LAMA1: variants seen among roughly 807,000 people sequenced by gnomAD.
LAMA1 encodes the protein laminin subunit alpha 1.
A neutral mutation model predicts 348.7 loss-of-function variants in LAMA1; 219 were observed. The ratio of observed to expected loss-of-function variants is 0.63; its 90% CI spans 0.56 to 0.70. The LOEUF is 0.70. LAMA1 is among the 30% of genes least tolerant of loss of function. The pLI is 0.00. For synonymous variants in LAMA1, 1,487 were observed against 1,491.0 expected, an observed-to-expected ratio of 1.00 and a Z score of 0.06; for missense variants, 3,744 against 3,888.0, an observed-to-expected ratio of 0.96 and a Z score of 0.99.
chr18:7,076,662 TAAAA>T (rs57167873), intron 3 of LAMA1, among the ~76,000 whole-genome samples: 1 of 136,042 alleles, frequency 7.4e-6, no homozygotes. Context: ...GGATCCTGGT[TAAAA>T]AAAAAAAAAA....
intron 42 of LAMA1, among the ~76,000 whole-genome samples, chr18:6,979,082 G>C (rs1035538091): frequency 2.0e-5 from 3 of 152,196 alleles, no homozygotes; most frequent in South Asian, 2.1e-4. Context: ...GGGTATACAG[G>C]TGGCCTTTTT....
chr18:7,041,823 C>A (rs746598466), intron 9 of LAMA1, among the ~76,000 whole-genome samples: 57 of 152,210 alleles, frequency 3.7e-4, no homozygotes, highest in Non-Finnish European at 7.2e-4. Flanking sequence ...AACATTGTCA[C>A]CTCATTACCC....
chr18:7,101,356 C>T lies in LAMA1; in HGVS notation c.61+16304G>A, dbSNP rs112189524. 7.5e-3 allele frequency among the ~76,000 whole-genome samples: 1,144 copies of T among 152,220 alleles called. 14 individuals carry two copies. Among genetic ancestry groups the T allele is most frequent in the African/African-American group, 0.021 (857 of 41,510 alleles). Reference sequence around the variant, plus strand: ...CACATCCTGAAGGAATTTGATGGAACCTGATGCTTGATCCCTGAAATGTCC... The same window carrying T: ...CACATCCTGAAGGAATTTGATGGAATCTGATGCTTGATCCCTGAAATGTCC... On this transcript the variant is annotated intron_variant, in intron 1 of 62. Coordinates refer to ENST00000389658, the MANE Select transcript of LAMA1 (RefSeq NM_005559.4).
Position 7,117,783 on chromosome 18 carries a change from A to AACGCTCCG in LAMA1, c.-64_-63insCGGAGCGT. 1 of 1,465,744 alleles carries AACGCTCCG rather than the reference A, an allele frequency of 6.8e-7. No individual in the cohort carries two copies. The highest frequency in any genetic ancestry group is 9.3e-7 in the Non-Finnish European group (1 of 1,080,198). 90.8% of individuals were successfully genotyped at this position (1,465,744 alleles called of 1,614,324 possible). On this transcript the variant is annotated 5_prime_UTR_variant, in exon 1 of 63. Transcript: ENST00000389658. ...GCCGCGCGCCCGCCTGGAACGCTCC[A>AACGCTCCG]CGGGACGCGAGTCCGCGCTGCCCTG...
intron 54 of LAMA1, 24 bp downstream of exon 54, chr18:6,959,317 C>T (rs1299351322): frequency 6.2e-7 from 1 of 1,614,010 alleles, no homozygotes. Flanking sequence ...CTTCATTACA[C>T]ACTGCCTGGC....
At chr18:6,977,298 C>T (rs2057687008) in intron 44 of LAMA1, among the ~76,000 whole-genome samples, 1 of 152,146 alleles carries the variant, frequency 6.6e-6, no homozygotes, top group African/African-American at 2.4e-5. Context: ...GGATGAGGCC[C>T]ATACTACACA....
In LAMA1 at chr18:7,013,863, C is replaced by T. The variant is rs112855474; in HGVS notation, c.3315G>A (p.Glu1105=). The stretch of plus-strand genomic sequence containing the variant: ...CCTCCACACAGCCGCAGAGACCCTG[C>T]TCCAGGTTGCAGGCGTCCCCCGACG... The part of the protein sequence containing the change: ...RGTSGDACNL[E]QGLCGCVEET... The change falls in exon 23 of 63, where the codon GAG becomes GAA. Residue 1105 remains glutamate (E), a synonymous_variant. Transcript: ENST00000389658. 1.2e-6 allele frequency: 2 copies of T among 1,612,030 alleles called. No individual in the cohort carries two copies. The highest frequency in any genetic ancestry group is 2.2e-5 in the South Asian group (2 of 90,682).
chr18:6,970,801 C>T (rs544733853), intron 48 of LAMA1, among the ~76,000 whole-genome samples: 7 of 152,186 alleles, frequency 4.6e-5, no homozygotes, highest in South Asian at 2.1e-4. Flanking sequence ...TTAATAGAGA[C>T]GGAGTTTCAC....
rs746795962 is a variant in LAMA1, at chr18:7,012,031, G to A, written c.3471C>T (p.His1157=). Residue 1157 remains histidine, a synonymous_variant, in exon 24 of 63, where the codon CAC becomes CAT. Transcript: ENST00000389658. ...CSPCFCSGLS[H]LCSELEDYVR... is the part of the protein sequence containing the mutation. ...CGTAGTCCTCCAGCTCTGAGCAGAG[G>A]TGGGACAGCCCGGAGCAGAAGCACG... 12 of 1,610,556 alleles carry A rather than the reference G, an allele frequency of 7.5e-6. No individual in the cohort carries two copies. The African/African-American group carries it at 1.2e-4, about 16-fold the overall frequency.
chr18:7,070,743 T>C (rs573793487), intron 3 of LAMA1, among the ~76,000 whole-genome samples: 1 of 152,266 alleles, frequency 6.6e-6, no homozygotes, highest in Admixed American at 6.5e-5. Flanking sequence ...TTCAATGCCA[T>C]AGGGAACTTC....
At chr18:7,102,404 C>A (rs572147001) in intron 1 of LAMA1, among the ~76,000 whole-genome samples, 1 of 151,160 alleles carries the variant, frequency 6.6e-6, no homozygotes, top group East Asian at 2.0e-4. Flanking sequence ...TAAAGCCATG[C>A]AGGTAGAGTT....
At chr18:7,057,392 C>A (rs1385298892) in intron 3 of LAMA1, among the ~76,000 whole-genome samples, 1 of 151,412 alleles carries the variant, frequency 6.6e-6, no homozygotes, top group Non-Finnish European at 1.5e-5. Context: ...CAGGCTGAGA[C>A]AACGGATAAG....
intron 1 of LAMA1, among the ~76,000 whole-genome samples, chr18:7,115,259 ATT>A (rs970969737): frequency 6.6e-6 from 1 of 152,138 alleles, no homozygotes; most frequent in Non-Finnish European, 1.5e-5. Flanking sequence ...TTTCTTGTAG[ATT>A]TTTTTCTGTC....
At chr18:6,972,173 G>A (rs2057661381) in intron 47 of LAMA1, 192 bp from the exon 48 acceptor site, 4 of 591,640 alleles carry the variant, frequency 6.8e-6, no homozygotes, top group Non-Finnish European at 9.0e-6. Context: ...CCTAGAATGA[G>A]TAACAACTGG....
At chr18:6,956,399 C>T (rs552001197) in intron 56 of LAMA1, 6 of 679,612 alleles carry the variant, frequency 8.8e-6, no homozygotes, top group African/African-American at 7.0e-5. Context: ...ATACATCAGC[C>T]CAATGCGCGG....
At chr18:6,957,240 C>A in intron 55 of LAMA1, 1 of 191,104 alleles carries the variant, frequency 5.2e-6, no homozygotes, top group South Asian at 1.1e-4. Context: ...TGCCTGCGCA[C>A]GTCCCCCTGG....
intron 1 of LAMA1, among the ~76,000 whole-genome samples, chr18:7,111,592 G>T (rs779692708): frequency 1.3e-4 from 20 of 152,128 alleles, no homozygotes; most frequent in Non-Finnish European, 2.5e-4. Context: ...TGACAGACGT[G>T]TTCCAACAGA....
intron 22 of LAMA1, 140 bp from the exon 23 acceptor site, chr18:7,014,191 T>C: frequency 1.3e-6 from 1 of 761,754 alleles, no homozygotes; most frequent in East Asian, 2.7e-5. Flanking sequence ...GCTGCATGGA[T>C]TCACGTTGCC....
intron 1 of LAMA1, among the ~76,000 whole-genome samples, chr18:7,108,179 T>C (rs1290469558): frequency 6.8e-6 from 1 of 146,660 alleles, no homozygotes; most frequent in Non-Finnish European, 1.5e-5. Context: ...CTACTAAAAA[T>C]ACAAAAATTA....
Sources: gnomAD v4.1 joint callset for allele counts (sites outside exome capture counted in the v4.1 genomes callset) on GRCh38, gnomAD v4.1.1 for gene constraint, MANE v1.5 for transcripts, NCBI Gene and HGNC (gene_info 2026-07-23, HGNC 2026-07-21) for gene names.